Variants in SHOC2 observed in about 807,000 individuals in gnomAD.
SHOC2 encodes the protein SHOC2 leucine rich repeat scaffold protein, also known as leucine-rich repeat protein SHOC-2.
In SHOC2, 4 loss-of-function variants were observed where a neutral mutation model predicts 50.2. The ratio of observed to expected loss-of-function variants is 0.08; its 90% CI spans 0.04 to 0.18. The LOEUF is 0.18. Among genes scored for constraint, SHOC2 ranks in the 10% least tolerant of loss-of-function variants. SHOC2 has a pLI of 1.00. For missense variants in SHOC2, 388 were observed against 669.6 expected (o/e 0.58, Z 4.64); for synonymous variants, 218 against 244.5 (o/e 0.89, Z 1.01).
In SHOC2 at chr10:110,964,273, T is replaced by C. The variant is rs1010252920; in HGVS notation, c.-86T>C. The C allele has an allele frequency of 6.5e-7, 1 of 1,545,420 alleles. No homozygotes were observed. Among genetic ancestry groups the C allele is most frequent in the Non-Finnish European group, 8.7e-7 (1 of 1,148,150 alleles). On this transcript the variant is annotated 5_prime_UTR_variant, in exon 2 of 9. Coordinates refer to ENST00000369452, the MANE Select transcript of SHOC2 (RefSeq NM_007373.4). The surrounding 1 kb of genome is among the most constrained non-coding windows in gnomAD (Gnocchi z 4.9). ...CTTCAAGCCAGTACTTTTTTGATTG[T>C]GTAGGATCTTTGTCTCTTCATCTTT...
In SHOC2 at chr10:110,937,158, G is replaced by T. The variant is rs769632042; in HGVS notation, c.-235+17501G>T. On this transcript the variant is annotated intron_variant, in intron 1 of 8. Transcript: ENST00000369452. ...ACCACCTTCCGGCCCAGCAGTACCT[G>T]TTTAGCCACGATGGTCGCCAGGCGG... is the stretch of plus-strand genomic sequence containing the variant. 4 of 1,538,854 alleles carry T rather than the reference G, an allele frequency of 2.6e-6. No homozygotes were observed. In the South Asian group the frequency reaches 4.5e-5, roughly 17 times the overall value.
intron 1 of SHOC2, among the ~76,000 whole-genome samples, chr10:110,961,559 A>C (rs1196937492): frequency 6.6e-6 from 1 of 152,188 alleles, no homozygotes; most frequent in Non-Finnish European, 1.5e-5. Context: ...CAAAAGCTTT[A>C]TTCTCTGACT....
intron 2 of SHOC2, among the ~76,000 whole-genome samples, chr10:110,984,769 C>CT (rs1439286147): frequency 2.0e-5 from 3 of 152,102 alleles, no homozygotes; most frequent in Non-Finnish European, 4.4e-5. Context: ...ATTTTCTGTT[C>CT]TTTTAGAGTC....
At chr10:110,996,783 A>T (rs1848276088) in intron 3 of SHOC2, among the ~76,000 whole-genome samples, 1 of 152,210 alleles carries the variant, frequency 6.6e-6, no homozygotes, top group South Asian at 2.1e-4. Context: ...AATACATATT[A>T]CCAGTGTCTG....
chr10:110,953,199 C>G (rs1426864287), intron 1 of SHOC2, among the ~76,000 whole-genome samples: 1 of 152,186 alleles, frequency 6.6e-6, no homozygotes, highest in Non-Finnish European at 1.5e-5. Context: ...TAAACGTGTT[C>G]CTGTTTCTCC....
intron 1 of SHOC2, among the ~76,000 whole-genome samples, chr10:110,933,282 A>C (rs1299063381): frequency 6.6e-6 from 1 of 152,172 alleles, no homozygotes; most frequent in Non-Finnish European, 1.5e-5. Context: ...ACATACAGAG[A>C]TAAAAAGTGA....
rs142542831 is a variant in SHOC2, at chr10:110,968,650, G to A, written c.703+3589G>A. Among the ~76,000 whole-genome samples, 484 of 151,808 alleles carry A rather than the reference G, an allele frequency of 3.2e-3. 26 individuals carry two copies. The South Asian group carries it at 0.093, about 29-fold the overall frequency. Reference sequence around the variant, plus strand: ...TCAGCAGTATATTTGAGGAATATAAGTTTTTAGCTGGGCACTGTGACTCAC... The same window carrying A: ...TCAGCAGTATATTTGAGGAATATAAATTTTTAGCTGGGCACTGTGACTCAC... On this transcript the variant is annotated intron_variant, in intron 2 of 8. Transcript: ENST00000369452.
chr10:110,937,052 C>A (rs768785991), intron 1 of SHOC2: 5 of 1,488,176 alleles, frequency 3.4e-6, no homozygotes, highest in Non-Finnish European at 4.7e-6. Flanking sequence ...GGTGTTCATC[C>A]GCTTGCGGAG....
At chr10:110,962,768 C>T (rs1016165052) in intron 1 of SHOC2, among the ~76,000 whole-genome samples, 1 of 152,168 alleles carries the variant, frequency 6.6e-6, no homozygotes, top group Non-Finnish European at 1.5e-5. Flanking sequence ...CTCTCCTTTA[C>T]TTGCTTGAAC....
chr10:110,957,366 T>A (rs1847484115), intron 1 of SHOC2, among the ~76,000 whole-genome samples: 1 of 152,194 alleles, frequency 6.6e-6, no homozygotes, highest in Admixed American at 6.5e-5. Flanking sequence ...ATTGCTTTGT[T>A]TTGCCATAAT....
At chr10:110,980,391 C>T (rs1362577427) in intron 2 of SHOC2, among the ~76,000 whole-genome samples, 3 of 152,088 alleles carry the variant, frequency 2.0e-5, no homozygotes, top group Admixed American at 6.5e-5. Context: ...CTCCTGACCT[C>T]GTGATCTGCC....
At chr10:110,920,531 CT>C (rs1245413761) in intron 1 of SHOC2, among the ~76,000 whole-genome samples, 3 of 152,060 alleles carry the variant, frequency 2.0e-5, no homozygotes, top group African/African-American at 4.8e-5. Context: ...TCTTTTCTTT[CT>C]TTTTCTTTTC....
At chr10:110,984,445 A>G (rs968220653) in intron 2 of SHOC2, among the ~76,000 whole-genome samples, 1 of 152,120 alleles carries the variant, frequency 6.6e-6, no homozygotes, top group Non-Finnish European at 1.5e-5. Flanking sequence ...TTCTCCCACT[A>G]TATAGGTTGC....
chr10:110,934,800 G>A (rs1280646204), intron 1 of SHOC2, among the ~76,000 whole-genome samples: 1 of 152,058 alleles, frequency 6.6e-6, no homozygotes, highest in African/African-American at 2.4e-5. Context: ...AACCAGAAAA[G>A]TGGCACTGTG....
At chr10:110,924,570 C>T (rs180859471) in intron 1 of SHOC2, among the ~76,000 whole-genome samples, 4 of 152,110 alleles carry the variant, frequency 2.6e-5, no homozygotes, top group Non-Finnish European at 5.9e-5. Context: ...AATAATATTT[C>T]TTGTGTTCCT....
chr10:111,005,538 G>C (rs796262580), intron 5 of SHOC2, among the ~76,000 whole-genome samples: 17 of 152,224 alleles, frequency 1.1e-4, no homozygotes, highest in African/African-American at 3.9e-4. Context: ...CAGAATTTTT[G>C]AAAGCTGTTT....
chr10:110,955,600 G>A (rs752058690), intron 1 of SHOC2, among the ~76,000 whole-genome samples: 4 of 152,118 alleles, frequency 2.6e-5, no homozygotes, highest in Non-Finnish European at 4.4e-5. Context: ...TCATACTTGC[G>A]GTATCACGTG....
At chr10:110,926,260 T>C (rs1195146514) in intron 1 of SHOC2, among the ~76,000 whole-genome samples, 1 of 152,224 alleles carries the variant, frequency 6.6e-6, no homozygotes, top group African/African-American at 2.4e-5. Flanking sequence ...ATGTCTGTCT[T>C]ATTTACTGTT....
chr10:110,970,304 T>G (rs1847755458), intron 2 of SHOC2, among the ~76,000 whole-genome samples: 1 of 152,214 alleles, frequency 6.6e-6, no homozygotes, highest in African/African-American at 2.4e-5. Context: ...TATTTATATT[T>G]CTGTGCCTGG....
Sources: gnomAD v4.1 joint callset for allele counts (sites outside exome capture counted in the v4.1 genomes callset) on GRCh38, gnomAD v4.1.1 for gene constraint, Gnocchi (gnomAD v3.1) non-coding constraint, MANE v1.5 for transcripts, NCBI Gene and HGNC (gene_info 2026-07-23, HGNC 2026-07-21) for gene names.